The following PLD1 variants were observed in gnomAD, a reference collection of about 807,000 sequenced individuals.
The protein encoded by PLD1 is choline phosphatase 1.
In PLD1, 112 loss-of-function variants were observed where a neutral mutation model predicts 137.1. That is an observed-to-expected ratio of 0.82 (90% CI 0.70 to 0.96). The LOEUF (loss-of-function observed/expected upper bound fraction) is 0.96. Ranked by LOEUF, PLD1 falls within the 40% of genes least tolerant of loss-of-function variation. The pLI is 0.00. For missense variants in PLD1, 1,321 were observed against 1,342.0 expected (o/e 0.98, Z 0.24); for synonymous variants, 431 against 454.7 (o/e 0.95, Z 0.66).
At chr3:171,723,528 G>T (rs555604858) in intron 8 of PLD1, among the ~76,000 whole-genome samples, 122 of 152,202 alleles carry the variant, frequency 8.0e-4, no homozygotes, top group East Asian at 2.7e-3. Flanking sequence ...TCTATTTTGA[G>T]TTTTTTGAGG....
intron 1 of PLD1, among the ~76,000 whole-genome samples, chr3:171,750,424 T>A (rs1211757897): frequency 1.3e-5 from 2 of 151,518 alleles, no homozygotes; most frequent in South Asian, 4.2e-4. Flanking sequence ...AACAAGCATA[T>A]AATTTGAATC....
intron 1 of PLD1, among the ~76,000 whole-genome samples, chr3:171,739,387 T>C (rs1719611504): frequency 6.6e-6 from 1 of 152,010 alleles, no homozygotes; most frequent in South Asian, 2.1e-4. Flanking sequence ...AGGAGGGAGG[T>C]TCTGGTTTGG....
At chr3:171,637,690 A>G (rs1735249444) in intron 23 of PLD1, among the ~76,000 whole-genome samples, 1 of 152,188 alleles carries the variant, frequency 6.6e-6, no homozygotes, top group Non-Finnish European at 1.5e-5. Context: ...AAGTGTAATT[A>G]CACAAACCTA....
At chr3:171,806,809 T>C (rs1312432662) in intron 1 of PLD1, among the ~76,000 whole-genome samples, 1 of 152,266 alleles carries the variant, frequency 6.6e-6, no homozygotes, top group East Asian at 1.9e-4. Context: ...ATTTTTCTGA[T>C]AGATACTCAG....
At chr3:171,694,758 A>G (rs886669507) in intron 12 of PLD1, among the ~76,000 whole-genome samples, 2 of 152,156 alleles carry the variant, frequency 1.3e-5, no homozygotes, top group Non-Finnish European at 2.9e-5. Context: ...CCTGAATCCT[A>G]CAGTTTTCTA....
At chr3:171,621,402 C>A (rs1398351892) in intron 23 of PLD1, among the ~76,000 whole-genome samples, 1 of 152,128 alleles carries the variant, frequency 6.6e-6, no homozygotes, top group Non-Finnish European at 1.5e-5. Flanking sequence ...CACAAATTCT[C>A]ATAGAAAGAG....
At chr3:171,657,289 TATA>T (rs1737295890) in intron 21 of PLD1, among the ~76,000 whole-genome samples, 1 of 152,252 alleles carries the variant, frequency 6.6e-6, no homozygotes, top group South Asian at 2.1e-4. Flanking sequence ...TAGTTACTGT[TATA>T]ATATGTCCTT....
In PLD1 at chr3:171,752,947, A is replaced by G. The variant is rs539097541; in HGVS notation, c.-31-14865T>C. ...GGCATTCATTTGGTCCAACCTCTTC[A>G]ATGCACTGAGAAGACAGAGGCTCAG... On this transcript the variant is annotated intron_variant, in intron 1 of 26. Transcript: ENST00000351298. Among the ~76,000 whole-genome samples the G allele has an allele frequency of 1.1e-4, 16 of 152,328 alleles. No homozygotes were observed. The Middle Eastern group carries it at 0.01, about 97-fold the overall frequency.
At chr3:171,626,555 T>G (rs1411332111) in intron 23 of PLD1, among the ~76,000 whole-genome samples, 2 of 152,084 alleles carry the variant, frequency 1.3e-5, no homozygotes, top group African/African-American at 4.8e-5. Flanking sequence ...AATTGTCAGA[T>G]TCAGCAAAGT....
At chr3:171,785,150 T>C (rs1397004561) in intron 1 of PLD1, among the ~76,000 whole-genome samples, 1 of 152,202 alleles carries the variant, frequency 6.6e-6, no homozygotes. Context: ...ATTTAAATGC[T>C]TGTCATAAGG....
intron 23 of PLD1, among the ~76,000 whole-genome samples, chr3:171,639,638 A>G (rs1337337826): frequency 8.8e-6 from 1 of 113,452 alleles, no homozygotes; most frequent in African/African-American, 3.6e-5. Flanking sequence ...TCTATATAAT[A>G]TATATTATAT....
At chr3:171,656,198 T>G (rs968078130) in intron 21 of PLD1, among the ~76,000 whole-genome samples, 1 of 150,722 alleles carries the variant, frequency 6.6e-6, no homozygotes, top group Non-Finnish European at 1.5e-5. Context: ...TGAGACAGAG[T>G]CTTGGTCTGT....
intron 23 of PLD1, among the ~76,000 whole-genome samples, chr3:171,626,741 C>A (rs1240413025): frequency 6.7e-6 from 1 of 149,830 alleles, no homozygotes; most frequent in East Asian, 1.9e-4. Flanking sequence ...AATTTCATAT[C>A]CAGCCAAACT....
At chr3:171,737,011 A>G (rs899426575) in intron 3 of PLD1, among the ~76,000 whole-genome samples, 1 of 152,260 alleles carries the variant, frequency 6.6e-6, no homozygotes, top group East Asian at 1.9e-4. Context: ...CTAGGAACCA[A>G]TCAGAGAGGC....
intron 23 of PLD1, among the ~76,000 whole-genome samples, chr3:171,631,182 C>A (rs1734630230): frequency 6.6e-6 from 1 of 152,094 alleles, no homozygotes; most frequent in Non-Finnish European, 1.5e-5. Flanking sequence ...TGAGTGTATA[C>A]CCTTAGGCTA....
At chr3:171,747,123 C>T (rs1051902082) in intron 1 of PLD1, among the ~76,000 whole-genome samples, 3 of 152,136 alleles carry the variant, frequency 2.0e-5, no homozygotes, top group South Asian at 2.1e-4. Context: ...AGACCACGAA[C>T]CCACCAGAAG....
intron 11 of PLD1, among the ~76,000 whole-genome samples, chr3:171,701,269 T>C (rs1477244431): frequency 6.6e-6 from 1 of 152,220 alleles, no homozygotes; most frequent in Non-Finnish European, 1.5e-5. Context: ...AAAGGTAATC[T>C]ATGTCCAAAC....
At chr3:171,709,524 G>T in intron 10 of PLD1, 36 bp downstream of exon 10, 2 of 1,594,498 alleles carry the variant, frequency 1.3e-6, no homozygotes, top group South Asian at 2.2e-5. Flanking sequence ...TAGATGCTAT[G>T]ACTGCCTTGA....
intron 1 of PLD1, among the ~76,000 whole-genome samples, chr3:171,764,886 A>G (rs865816816): frequency 2.2e-3 from 59 of 26,798 alleles, no homozygotes; most frequent in African/African-American, 3.1e-3. Flanking sequence ...AAAGAAAGAA[A>G]GAAAGAAAGG....
Sources: gnomAD v4.1 joint callset for allele counts (sites outside exome capture counted in the v4.1 genomes callset) on GRCh38, gnomAD v4.1.1 for gene constraint, MANE v1.5 for transcripts, NCBI Gene and HGNC (gene_info 2026-07-23, HGNC 2026-07-21) for gene names.